The following NTN4 variants were observed in gnomAD, a reference collection of about 807,000 sequenced individuals.
NTN4 encodes netrin 4.
In NTN4, 32 loss-of-function variants were observed where a neutral mutation model predicts 73.6. The observed-to-expected ratio is 0.44, with a 90% CI of 0.33 to 0.58. The LOEUF (loss-of-function observed/expected upper bound fraction) is 0.58, where lower values mean the gene tolerates loss of function less well. NTN4 is among the 20% of genes least tolerant of loss of function. The pLI, the probability that NTN4 is intolerant of heterozygous loss-of-function variation, is 0.04. For synonymous variants in NTN4, 258 were observed against 287.5 expected, an observed-to-expected ratio of 0.90 and a Z score of 1.04; for missense variants, 654 against 798.3, an observed-to-expected ratio of 0.82 and a Z score of 2.18.
At position 95,701,227 on chromosome 12, in the gene NTN4, T is replaced by C. The variant is rs549780290; in HGVS notation, c.1180+9214A>G. On this transcript the variant is annotated intron_variant, in intron 5 of 9. Coordinates refer to ENST00000343702, the MANE Select transcript of NTN4 (RefSeq NM_021229.4). ...AGTTACTCTAAAAGAGACTATCCACTTTTTGAACAGAGAGATGAGATTCCT... is the reference window on the plus strand; with the variant it reads ...AGTTACTCTAAAAGAGACTATCCACCTTTTGAACAGAGAGATGAGATTCCT... Among the ~76,000 whole-genome samples the C allele has an allele frequency of 2.6e-5, 4 of 152,316 alleles. No homozygotes were observed. The East Asian group carries it at 5.8e-4, about 22-fold the overall frequency.
chr12:95,771,806 A>C (rs1479735290), intron 2 of NTN4, among the ~76,000 whole-genome samples: 1 of 152,052 alleles, frequency 6.6e-6, no homozygotes. Context: ...TAGCATGCCA[A>C]CTATTGCTCC....
chr12:95,788,160 G>T (rs2079183245), intron 1 of NTN4, among the ~76,000 whole-genome samples: 1 of 152,020 alleles, frequency 6.6e-6, no homozygotes, highest in Non-Finnish European at 1.5e-5. Context: ...ACATAACTAA[G>T]AAAAAAACTC....
intron 2 of NTN4, among the ~76,000 whole-genome samples, chr12:95,741,427 T>TTATA (rs1174318245): frequency 0.013 from 669 of 50,914 alleles, 23 homozygotes; most frequent in East Asian, 0.025. Context: ...TATGTATAAA[T>TTATA]TATATATATA....
intron 5 of NTN4, among the ~76,000 whole-genome samples, chr12:95,700,741 T>C (rs941736968): frequency 6.6e-6 from 1 of 152,064 alleles, no homozygotes; most frequent in African/African-American, 2.4e-5. Flanking sequence ...AGTACACAAT[T>C]ATCTAGGAAG....
At chr12:95,695,092 C>T (rs2078431136) in intron 5 of NTN4, among the ~76,000 whole-genome samples, 1 of 150,790 alleles carries the variant, frequency 6.6e-6, no homozygotes, top group African/African-American at 2.4e-5. Context: ...CACGCCACTG[C>T]ACGCTAACCT....
chr12:95,706,982 G>T (rs1322216519), intron 5 of NTN4, among the ~76,000 whole-genome samples: 1 of 152,194 alleles, frequency 6.6e-6, no homozygotes, highest in Admixed American at 6.5e-5. Context: ...GATTTCCCAG[G>T]TGATGCTGAT....
chr12:95,712,694 C>G (rs542752416), intron 4 of NTN4, among the ~76,000 whole-genome samples: 2 of 152,004 alleles, frequency 1.3e-5, no homozygotes, highest in African/African-American at 4.8e-5. Context: ...CTTCACCTCC[C>G]GGTTTCAAGT....
chr12:95,725,994 G>A (rs775983533), intron 3 of NTN4, among the ~76,000 whole-genome samples: 1 of 151,810 alleles, frequency 6.6e-6, no homozygotes, highest in Non-Finnish European at 1.5e-5. Flanking sequence ...TCAGTTTAAT[G>A]ACTGGTCTTG....
At chr12:95,760,797 A>G (rs1481771047) in intron 2 of NTN4, among the ~76,000 whole-genome samples, 11 of 152,084 alleles carry the variant, frequency 7.2e-5, no homozygotes, top group African/African-American at 2.7e-4. Flanking sequence ...TCTCATTTCA[A>G]ACTGATAAGT....
chr12:95,713,599 C>G (rs1356150831), intron 3 of NTN4, among the ~76,000 whole-genome samples: 1 of 152,160 alleles, frequency 6.6e-6, no homozygotes, highest in African/African-American at 2.4e-5. Context: ...ACTGGCTGAG[C>G]AAACACTTGA....
intron 7 of NTN4, among the ~76,000 whole-genome samples, chr12:95,680,500 T>G (rs1403106055): frequency 6.6e-6 from 1 of 152,244 alleles, no homozygotes; most frequent in Admixed American, 6.5e-5. Context: ...CCTGGCCTGG[T>G]GAAACACCTT....
chr12:95,698,000 C>T (rs1326179747), intron 5 of NTN4, among the ~76,000 whole-genome samples: 1 of 152,184 alleles, frequency 6.6e-6, no homozygotes, highest in African/African-American at 2.4e-5. Flanking sequence ...ACTATTTACA[C>T]AGCATTTACA....
chr12:95,762,750 A>G (rs1157294342), intron 2 of NTN4, among the ~76,000 whole-genome samples: 1 of 152,222 alleles, frequency 6.6e-6, no homozygotes, highest in Non-Finnish European at 1.5e-5. Context: ...AGAGATTTAT[A>G]TAGGAGAGCT....
chr12:95,679,025 G>T (rs2078295824), intron 7 of NTN4, among the ~76,000 whole-genome samples: 1 of 152,074 alleles, frequency 6.6e-6, no homozygotes, highest in South Asian at 2.1e-4. Context: ...CTATTGAAAG[G>T]CCTTAAAGAG....
At chr12:95,669,782 G>T (rs140375022) in intron 8 of NTN4, among the ~76,000 whole-genome samples, 141 of 152,266 alleles carry the variant, frequency 9.3e-4, no homozygotes, top group African/African-American at 3.2e-3. Context: ...AAGTATCCAC[G>T]AGAAAGGATT....
intron 9 of NTN4, chr12:95,663,516 T>C (rs1010177846): frequency 3.9e-5 from 6 of 152,218 alleles, no homozygotes; most frequent in Admixed American, 1.3e-4. Context: ...GAATTAAGAA[T>C]GAATGAATAT....
chr12:95,783,143 G>C (rs2079144873), intron 2 of NTN4, among the ~76,000 whole-genome samples: 1 of 152,192 alleles, frequency 6.6e-6, no homozygotes, highest in Non-Finnish European at 1.5e-5. Flanking sequence ...CTAGCCCCAG[G>C]CCTGTCTGTG....
chr12:95,680,487 G>GC (rs1448892674), intron 7 of NTN4, among the ~76,000 whole-genome samples: 1 of 152,262 alleles, frequency 6.6e-6, no homozygotes, highest in Admixed American at 6.5e-5. Context: ...TGGTTTGCCA[G>GC]CCCCTGGCCT....
rs2079132063 is a variant in NTN4 at position 95,781,375 on chromosome 12, GA to G, written c.585+5563del. 6.6e-6 allele frequency among the ~76,000 whole-genome samples: 1 copy of G among 152,114 alleles called. No homozygotes were observed. Among genetic ancestry groups the G allele is most frequent in the South Asian group, 2.1e-4 (1 of 4,820 alleles). ...TTAATTATAGGTTTTGTTCACTCAT[GA>G]AAACTTGCCAGGAACTCATAGTCCT... On this transcript the variant is annotated intron_variant, in intron 2 of 9. Transcript: ENST00000343702. The surrounding 1 kb of genome is among the most constrained non-coding windows in gnomAD (Gnocchi z 4.1).
Sources: gnomAD v4.1 joint callset for allele counts (sites outside exome capture counted in the v4.1 genomes callset) on GRCh38, gnomAD v4.1.1 for gene constraint, Gnocchi (gnomAD v3.1) non-coding constraint, MANE v1.5 for transcripts, NCBI Gene and HGNC (gene_info 2026-07-23, HGNC 2026-07-21) for gene names.